Variants in CEP128 observed in about 807,000 individuals in gnomAD.
CEP128 encodes the protein centrosomal protein 128.
Under a neutral mutation model 156.7 loss-of-function variants are expected in CEP128, and 132 were observed. The observed-to-expected ratio is 0.84, with a 90% confidence interval of 0.73 to 0.97. The LOEUF is 0.97. CEP128 is among the 50% of genes least tolerant of loss of function. CEP128 has a pLI of 0.00. For synonymous variants in CEP128, 469 were observed against 448.9 expected, an observed-to-expected ratio of 1.04 and a Z score of -0.57; for missense variants, 1,252 against 1,281.9, an observed-to-expected ratio of 0.98 and a Z score of 0.36.
rs927725293 is a variant in CEP128, at chr14:80,904,713, C to A, written c.480+100G>T. 2.7e-5 allele frequency: 20 copies of A among 738,314 alleles called. No homozygotes were observed. In the African/African-American group the frequency reaches 2.8e-4, roughly 10 times the overall value. 45.7% of individuals were successfully genotyped at this position (738,314 alleles called of 1,614,324 possible). Reference sequence around the variant, plus strand: ...GTATAAAGTTACTAATGATCAAATTCTTGGTTAAAATATAGCCTTAAAGTT... The same window carrying A: ...GTATAAAGTTACTAATGATCAAATTATTGGTTAAAATATAGCCTTAAAGTT... On this transcript the variant is annotated intron_variant, in intron 6 of 24. Coordinates refer to ENST00000555265, the MANE Select transcript of CEP128 (RefSeq NM_152446.5).
intron 19 of CEP128, among the ~76,000 whole-genome samples, chr14:80,637,862 G>A (rs1894252692): frequency 6.6e-6 from 1 of 152,146 alleles, no homozygotes; most frequent in African/African-American, 2.4e-5. Flanking sequence ...TAACAAGAGA[G>A]GGGCGTATGT....
intron 19 of CEP128, among the ~76,000 whole-genome samples, chr14:80,678,049 A>AAAAAAATATAT: frequency 4.1e-5 from 4 of 98,502 alleles, no homozygotes; most frequent in African/African-American, 9.5e-5. Context: ...ATAAAAAAAA[A>AAAAAAATATAT]ATATATATAT....
Position 80,781,406 on chromosome 14 carries a change from G to A in CEP128, c.2212-3360C>T, listed in dbSNP as rs374091496. Reference sequence around the variant, plus strand: ...CGGGAGGCGGAAGCTGCAGTGAGCTGAGATTGCACCACTGCACTCCAGCCT... The same window carrying A: ...CGGGAGGCGGAAGCTGCAGTGAGCTAAGATTGCACCACTGCACTCCAGCCT... On this transcript the variant is annotated intron_variant, in intron 15 of 24. Coordinates refer to ENST00000555265, the MANE Select transcript of CEP128 (RefSeq NM_152446.5). 2.1e-3 allele frequency among the ~76,000 whole-genome samples: 295 copies of A among 142,602 alleles called. 1 individual carries two copies. The highest frequency in any genetic ancestry group is 7.3e-3 in the African/African-American group (281 of 38,280). The allele number at this position is 142,602 out of a possible 152,430, so 93.6% of individuals were successfully genotyped here.
intron 2 of CEP128, among the ~76,000 whole-genome samples, chr14:80,937,046 A>T (rs924596465): frequency 6.6e-6 from 1 of 152,156 alleles, no homozygotes; most frequent in Non-Finnish European, 1.5e-5. Flanking sequence ...GGCCAGGCGC[A>T]GTGGCCCATG....
At chr14:80,706,526 A>G (rs1048743576) in intron 19 of CEP128, among the ~76,000 whole-genome samples, 1 of 152,040 alleles carries the variant, frequency 6.6e-6, no homozygotes, top group Admixed American at 6.6e-5. Flanking sequence ...CCTGTCATTC[A>G]AATTGCTGTT....
chr14:80,620,298 G>A (rs1436563868), intron 19 of CEP128, among the ~76,000 whole-genome samples: 1 of 151,980 alleles, frequency 6.6e-6, no homozygotes, highest in Non-Finnish European at 1.5e-5. Flanking sequence ...TTTAGTGGTC[G>A]ACTAAGGAGA....
chr14:80,952,683 C>T (rs1161270957), intron 2 of CEP128, among the ~76,000 whole-genome samples: 2 of 145,766 alleles, frequency 1.4e-5, no homozygotes, highest in South Asian at 2.2e-4. Context: ...AAATAGAGCA[C>T]AAAAAAAAAT....
At chr14:80,827,780 C>A (rs866444500) in intron 13 of CEP128, among the ~76,000 whole-genome samples, 33 of 152,174 alleles carry the variant, frequency 2.2e-4, no homozygotes, top group African/African-American at 7.7e-4. Context: ...TGGTGCCCTG[C>A]ATAAGAGAAT....
At chr14:80,942,680 T>TC (rs11372588), upstream of CEP128, among the ~76,000 whole-genome samples, 12,303 of 152,102 alleles carry the variant, frequency 0.081, 1,404 homozygotes, top group African/African-American at 0.26. Flanking sequence ...TCCCAGTTGG[T>TC]CCCCTCTATT....
At chr14:80,670,001 C>T (rs1211324973) in intron 19 of CEP128, among the ~76,000 whole-genome samples, 1 of 152,052 alleles carries the variant, frequency 6.6e-6, no homozygotes, top group Admixed American at 6.6e-5. Flanking sequence ...GGAGCTGGCA[C>T]ATTCATGCCA....
intron 8 of CEP128, among the ~76,000 whole-genome samples, chr14:80,875,220 A>G (rs999925087): frequency 2.0e-5 from 3 of 152,242 alleles, no homozygotes; most frequent in African/African-American, 7.2e-5. Context: ...CGCAAGTAGT[A>G]AGGGTGAACC....
At chr14:80,722,300 C>CA (rs1044203938) in intron 19 of CEP128, among the ~76,000 whole-genome samples, 3 of 152,126 alleles carry the variant, frequency 2.0e-5, no homozygotes, top group African/African-American at 7.2e-5. Context: ...CACTGTAGAA[C>CA]ACAACACAAA....
At chr14:80,799,640 T>C (rs1883716551) in intron 13 of CEP128, among the ~76,000 whole-genome samples, 1 of 152,086 alleles carries the variant, frequency 6.6e-6, no homozygotes, top group Non-Finnish European at 1.5e-5. Context: ...GGGGAAGGAA[T>C]GCATTCCTAG....
chr14:80,721,243 T>A (rs1351480338), intron 19 of CEP128, among the ~76,000 whole-genome samples: 2 of 152,184 alleles, frequency 1.3e-5, no homozygotes, highest in Non-Finnish European at 2.9e-5. Context: ...ACATTCATCA[T>A]CTTGGACTTC....
chr14:80,496,498 G>A lies in CEP128; in HGVS notation c.*981C>T, dbSNP rs1206638362. On this transcript the variant is annotated 3_prime_UTR_variant, in exon 25 of 25. Transcript: ENST00000555265. ...ATGTAATGCATATTACAAAGGTATTGCTTTATTGCCCTTGTCTATGCAGAA... is the reference window on the plus strand; with the variant it reads ...ATGTAATGCATATTACAAAGGTATTACTTTATTGCCCTTGTCTATGCAGAA... 3 of 152,572 alleles carry A rather than the reference G, an allele frequency of 2.0e-5. No individual in the cohort carries two copies. Among genetic ancestry groups the A allele is most frequent in the African/African-American group, 4.8e-5 (2 of 41,432 alleles). 9.5% of individuals were successfully genotyped at this position (152,572 alleles called of 1,614,324 possible). A position where few individuals can be genotyped will look rare whatever the true frequency, so the allele number is the denominator to read the frequency against.
In CEP128 at chr14:80,837,155, TG is replaced by T. The variant is rs561016427; in HGVS notation, c.925-819del. Among the ~76,000 whole-genome samples the T allele has an allele frequency of 9.2e-4, 140 of 152,364 alleles. 1 individual carries two copies. The highest frequency in any genetic ancestry group is 3.3e-3 in the African/African-American group (136 of 41,594). Reference sequence around the variant, plus strand: ...GCTATCTTGTATTTTCAGCACCAATTGTCAGAATGTAATACTCCTTCTGAAC... The same window carrying T: ...GCTATCTTGTATTTTCAGCACCAATTTCAGAATGTAATACTCCTTCTGAAC... On this transcript the variant is annotated intron_variant, in intron 11 of 24. Coordinates refer to ENST00000555265, the MANE Select transcript of CEP128 (RefSeq NM_152446.5).
Position 80,584,461 on chromosome 14 carries a change from T to A in CEP128, c.2807-4038A>T, listed in dbSNP as rs553885972. Among the ~76,000 whole-genome samples the A allele has an allele frequency of 3.3e-5, 5 of 152,226 alleles. No individual in the cohort carries two copies. In the South Asian group the frequency reaches 1.0e-3, roughly 32 times the overall value. On this transcript the variant is annotated intron_variant, in intron 19 of 24. Transcript: ENST00000555265. ...GCCTCTGGCCCATCCATATTTTACATCCATGTTCTCCTTAACTACTGCCTT... is the reference window on the plus strand; with the variant it reads ...GCCTCTGGCCCATCCATATTTTACAACCATGTTCTCCTTAACTACTGCCTT...
At chr14:80,811,551 T>C (rs1884532975) in intron 13 of CEP128, among the ~76,000 whole-genome samples, 1 of 152,186 alleles carries the variant, frequency 6.6e-6, no homozygotes, top group Non-Finnish European at 1.5e-5. Context: ...TTGGTACCTG[T>C]TGCTTTATTT....
chr14:80,652,295 T>C (rs934665190), intron 19 of CEP128, among the ~76,000 whole-genome samples: 1 of 152,090 alleles, frequency 6.6e-6, no homozygotes, highest in South Asian at 2.1e-4. Context: ...AAAGACTTCA[T>C]GACTAAAATA....
Sources: gnomAD v4.1 joint callset for allele counts (sites outside exome capture counted in the v4.1 genomes callset) on GRCh38, gnomAD v4.1.1 for gene constraint, MANE v1.5 for transcripts, NCBI Gene and HGNC (gene_info 2026-07-23, HGNC 2026-07-21) for gene names.